GSTK1: variants seen among roughly 807,000 people sequenced by gnomAD.
The protein encoded by GSTK1 is glutathione S-transferase kappa 1, also known as GST class-kappa.
GSTK1 carries 25 observed loss-of-function variants against 30.9 expected under a neutral mutation model. That is an observed-to-expected ratio of 0.81 (90% CI 0.59 to 1.13). The LOEUF is 1.13. GSTK1 is among the 50% of genes most tolerant of loss of function. The pLI, the probability that GSTK1 is intolerant of heterozygous loss-of-function variation, is 0.00. For missense variants in GSTK1, 292 were observed against 292.4 expected (o/e 1.00, Z 0.01); for synonymous variants, 108 against 112.5 (o/e 0.96, Z 0.25).
chr7:143,265,434 C>G lies in GSTK1; in HGVS notation c.420+138C>G. On this transcript the variant is annotated intron_variant, in intron 5 of 7. Transcript: ENST00000358406. ...TGGGGAAGAAAGGATGTCTGTGATT[C>G]AGGGCACAAACTACTGAAAAGTTGG... The G allele has an allele frequency of 3.7e-6, 3 of 821,162 alleles. No homozygotes were observed. In the East Asian group the frequency reaches 8.1e-5, roughly 22 times the overall value. The allele number at this position is 821,162 out of a possible 1,614,324, so 50.9% of individuals were successfully genotyped here.
intron 6 of GSTK1, 82 bp downstream of exon 6, chr7:143,267,815 C>A: frequency 1.0e-6 from 1 of 976,566 alleles, no homozygotes; most frequent in Non-Finnish European, 1.6e-6. Flanking sequence ...TCCTTATGCT[C>A]CTGTACAAAA....
In GSTK1 at chr7:143,265,255, TC is replaced by T; in HGVS notation, c.385-3del. 6.2e-7 allele frequency: 1 copy of T among 1,605,432 alleles called. No individual in the cohort carries two copies. Among genetic ancestry groups the T allele is most frequent in the South Asian group, 1.1e-5 (1 of 89,168 alleles). On this transcript the variant is annotated splice_polypyrimidine_tract_variant and splice_region_variant and intron_variant, in intron 4 of 7. Coordinates refer to ENST00000358406, the MANE Select transcript of GSTK1 (RefSeq NM_015917.3). ...CCGCCTTCCTGCTGTCTTCTCTTCT[TC>T]CCAGAATGAAGACATCACCGAGCCG...
In GSTK1 at chr7:143,269,050, A is replaced by G; in HGVS notation, c.*213A>G. The G allele has an allele frequency of 1.7e-6, 1 of 584,022 alleles. No homozygotes were observed. Among genetic ancestry groups the G allele is most frequent in the Non-Finnish European group, 3.1e-6 (1 of 327,028 alleles). The allele number at this position is 584,022 out of a possible 1,614,324, so 36.2% of individuals were successfully genotyped here. A position where few individuals can be genotyped will look rare whatever the true frequency, so the allele number is the denominator to read the frequency against. On this transcript the variant is annotated 3_prime_UTR_variant, in exon 8 of 8. Transcript: ENST00000358406. ...GCAACCTTTACTTCTATGCCTCACAAGTGCCTTTCAGAGAGCCCCAATTCT... is the reference window on the plus strand; with the variant it reads ...GCAACCTTTACTTCTATGCCTCACAGGTGCCTTTCAGAGAGCCCCAATTCT...
rs1169835266 is a variant in GSTK1, at chr7:143,268,747, C to T, written c.632-41C>T. On this transcript the variant is annotated intron_variant, in intron 7 of 7. Coordinates refer to ENST00000358406, the MANE Select transcript of GSTK1 (RefSeq NM_015917.3). The surrounding 1 kb of genome is among the most constrained non-coding windows in gnomAD (Gnocchi z 4.1). ...GGGACCAACTCCTGCTGCCAGAACACCTGAGAACAGTGTGCAGAGTCTGTT... is the reference window on the plus strand; with the variant it reads ...GGGACCAACTCCTGCTGCCAGAACATCTGAGAACAGTGTGCAGAGTCTGTT... 2 of 1,596,342 alleles carry T rather than the reference C, an allele frequency of 1.3e-6. No homozygotes were observed. Among genetic ancestry groups the T allele is most frequent in the Non-Finnish European group, 1.7e-6 (2 of 1,163,916 alleles).
intron 5 of GSTK1, among the ~76,000 whole-genome samples, chr7:143,265,893 A>G (rs1800861635): frequency 6.6e-6 from 1 of 152,186 alleles, no homozygotes; most frequent in Non-Finnish European, 1.5e-5. Flanking sequence ...TTTAATATAT[A>G]AAGTGGCAAA....
Position 143,268,263 on chromosome 7 carries a change from C to A in GSTK1, c.631+79C>A. 3.8e-6 allele frequency: 4 copies of A among 1,050,238 alleles called. No homozygotes were observed. The highest frequency in any genetic ancestry group is 1.9e-5 in the Admixed American group (1 of 51,576). The allele number at this position is 1,050,238 out of a possible 1,614,324, so 65.1% of individuals were successfully genotyped here. On this transcript the variant is annotated intron_variant, in intron 7 of 7. Coordinates refer to ENST00000358406, the MANE Select transcript of GSTK1 (RefSeq NM_015917.3). The surrounding 1 kb of genome is among the most constrained non-coding windows in gnomAD (Gnocchi z 4.1). Reference sequence around the variant, plus strand: ...ATCCCAGCACTTTGGTAGGCTGAGGCGAGCAGAGCACGAGTTCAGGAGATT... The same window carrying A: ...ATCCCAGCACTTTGGTAGGCTGAGGAGAGCAGAGCACGAGTTCAGGAGATT...
rs556119947 is a variant in GSTK1, at chr7:143,268,432, G to C, written c.631+248G>C. On this transcript the variant is annotated intron_variant, in intron 7 of 7. Coordinates refer to ENST00000358406, the MANE Select transcript of GSTK1 (RefSeq NM_015917.3). This position sits in a 1 kb window ranked among gnomAD's most constrained non-coding sequence, Gnocchi z 4.1. ...GGAGGTTGCAGTGAGCCGAGATCGCGCCACTGCACTCCAGCCTGGGTGACA... is the reference window on the plus strand; with the variant it reads ...GGAGGTTGCAGTGAGCCGAGATCGCCCCACTGCACTCCAGCCTGGGTGACA... 1.3e-5 allele frequency among the ~76,000 whole-genome samples: 2 copies of C among 152,034 alleles called. No homozygotes were observed. The highest frequency in any genetic ancestry group is 4.8e-5 in the African/African-American group (2 of 41,382).
In GSTK1 at chr7:143,268,129, C is replaced by G. The variant is rs1800934505; in HGVS notation, c.576C>G (p.Gly192=). 6.2e-7 allele frequency: 1 copy of G among 1,614,008 alleles called. No individual in the cohort carries two copies. ...CCATCACCGTGGCCCATGTGGATGG[C>G]CAAACCCACATGTTATTTGGCTCTG... ...GLPITVAHVD[G]QTHMLFGSDR... Residue 192 remains glycine, a synonymous_variant, in exon 7 of 8, where the codon GGC becomes GGG. Transcript: ENST00000358406. The surrounding 1 kb of genome is among the most constrained non-coding windows in gnomAD (Gnocchi z 4.1).
chr7:143,267,200 G>A (rs1390890242), intron 5 of GSTK1, among the ~76,000 whole-genome samples: 2 of 152,148 alleles, frequency 1.3e-5, no homozygotes, highest in Admixed American at 1.3e-4. Context: ...GAGATACTTA[G>A]GAACTGTGAG....
chr7:143,264,557 C>T lies in GSTK1; in HGVS notation c.164C>T (p.Pro55Leu), dbSNP rs1210280058. 6.2e-7 allele frequency: 1 copy of T among 1,613,992 alleles called. No individual in the cohort carries two copies. Among genetic ancestry groups the T allele is most frequent in the South Asian group, 1.1e-5 (1 of 91,076 alleles). Residue 55 changes from proline to leucine, a missense_variant, in exon 3 of 8, where the codon CCT becomes CTT. Pro to Leu is a moderately conservative substitution (Grantham distance 98, BLOSUM62 -3). Transcript: ENST00000358406. ...AACCTTCTCCTGGCAGGAAACAAGCCTCCAGGTCTGCTTCCCCGCAAAGGA... is the reference window on the plus strand; with the variant it reads ...AACCTTCTCCTGGCAGGAAACAAGCTTCCAGGTCTGCTTCCCCGCAAAGGA... Reference protein sequence around the residue: ...TGIMKDSGNKPPGLLPRKGLY... With the variant: ...TGIMKDSGNKLPGLLPRKGLY...
At position 143,264,550 on chromosome 7, in the gene GSTK1, A is replaced by C. The variant is rs1466478093; in HGVS notation, c.157A>C (p.Asn53His). The C allele has an allele frequency of 6.2e-7, 1 of 1,613,966 alleles. No homozygotes were observed. ...CGTGCCCAACCTTCTCCTGGCAGGA[A>C]ACAAGCCTCCAGGTCTGCTTCCCCG... ...LITGIMKDSG[N>H]KPPGLLPRKG... The change falls in exon 3 of 8, where the codon AAC becomes CAC. Residue 53 changes from asparagine (N) to histidine (H), a missense_variant and splice_region_variant. Physicochemically the swap from Asn to His is moderately conservative, Grantham distance 68 (BLOSUM62 1). Transcript: ENST00000358406.
At chr7:143,267,993 C>T in intron 6 of GSTK1, 98 bp from the exon 7 acceptor site, 1 of 924,350 alleles carries the variant, frequency 1.1e-6, no homozygotes, top group South Asian at 1.6e-5. Context: ...GACCTCTTTG[C>T]TTCTGTGAAC....
chr7:143,264,778 G>A, intron 3 of GSTK1, 102 bp downstream of exon 3: 1 of 1,497,532 alleles, frequency 6.7e-7, no homozygotes, highest in Non-Finnish European at 9.2e-7. Flanking sequence ...TAAAGCAAGT[G>A]AAGCCTGCCT....
rs1225182927 is a variant in GSTK1 at position 143,268,115 on chromosome 7, G to A, written c.562G>A (p.Ala188Thr). 6.2e-7 allele frequency: 1 copy of A among 1,613,960 alleles called. No individual in the cohort carries two copies. The change falls in exon 7 of 8, where the codon GCC becomes ACC. Residue 188 changes from alanine (A) to threonine (T), a missense_variant. By Grantham distance (58) the Ala-to-Thr change is moderately conservative. Coordinates refer to ENST00000358406, the MANE Select transcript of GSTK1 (RefSeq NM_015917.3). This position sits in a 1 kb window ranked among gnomAD's most constrained non-coding sequence, Gnocchi z 4.1. ...YGAFGLPITV[A>T]HVDGQTHMLF... ...GGCCTTTGGGCTGCCCATCACCGTG[G>A]CCCATGTGGATGGCCAAACCCACAT...
intron 5 of GSTK1, 110 bp downstream of exon 5, chr7:143,265,406 T>G (rs1021244748): frequency 3.1e-6 from 3 of 967,364 alleles, no homozygotes; most frequent in Non-Finnish European, 4.5e-6. Flanking sequence ...AGGTTATAAT[T>G]ACTGGGGAAG....
intron 2 of GSTK1, 149 bp downstream of exon 2, chr7:143,264,316 G>A: frequency 1.3e-6 from 1 of 780,366 alleles, no homozygotes; most frequent in Non-Finnish European, 2.1e-6. Flanking sequence ...GGTAGTGCAT[G>A]CCTGTATACC....
rs1203254305 is a variant in GSTK1 at position 143,265,250 on chromosome 7, C to G, written c.385-11C>G. ...CCGCACCGCCTTCCTGCTGTCTTCTCTTCTTCCCAGAATGAAGACATCACC... is the reference window on the plus strand; with the variant it reads ...CCGCACCGCCTTCCTGCTGTCTTCTGTTCTTCCCAGAATGAAGACATCACC... On this transcript the variant is annotated splice_polypyrimidine_tract_variant and intron_variant, in intron 4 of 7. Transcript: ENST00000358406. The G allele has an allele frequency of 6.2e-7, 1 of 1,605,472 alleles. No individual in the cohort carries two copies. Among genetic ancestry groups the G allele is most frequent in the Non-Finnish European group, 8.5e-7 (1 of 1,176,202 alleles).
chr7:143,264,635 T>C lies in GSTK1; in HGVS notation c.242T>C (p.Ile81Thr), dbSNP rs1800817828. 6.2e-7 allele frequency: 1 copy of C among 1,614,026 alleles called. No homozygotes were observed. Among genetic ancestry groups the C allele is most frequent in the African/African-American group, 1.3e-5 (1 of 75,012 alleles). The change falls in exon 3 of 8, where the codon ATC becomes ACC. Residue 81 changes from isoleucine to threonine, a missense_variant. Ile to Thr is a moderately conservative substitution (Grantham distance 89). Coordinates refer to ENST00000358406, the MANE Select transcript of GSTK1 (RefSeq NM_015917.3). ...KLLRHHLQIP[I>T]HFPKDFLSVM... ...CTGAGACACCATCTCCAGATTCCCA[T>C]CCACTTCCCCAAGGATTTCTTGTCT...
At chr7:143,264,882 A>G in intron 3 of GSTK1, 110 bp from the exon 4 acceptor site, 1 of 1,312,920 alleles carries the variant, frequency 7.6e-7, no homozygotes, top group Admixed American at 2.0e-5. Flanking sequence ...ACCTTGGGTG[A>G]GAGGCTGAGG....
Sources: gnomAD v4.1 joint callset for allele counts (sites outside exome capture counted in the v4.1 genomes callset) on GRCh38, gnomAD v4.1.1 for gene constraint, Gnocchi (gnomAD v3.1) non-coding constraint, MANE v1.5 for transcripts, NCBI Gene and HGNC (gene_info 2026-07-23, HGNC 2026-07-21) for gene names.